CEP112: variants seen among roughly 807,000 people sequenced by gnomAD.
The protein encoded by CEP112 is centrosomal protein 112, also known as centrosomal protein of 112 kDa.
A neutral mutation model predicts 153.0 loss-of-function variants in CEP112; 127 were observed. The observed-to-expected ratio is 0.83, with a 90% CI of 0.72 to 0.96. The LOEUF is 0.96. Among genes scored for constraint, CEP112 ranks in the 40% least tolerant of loss-of-function variants. The pLI is 0.00. For synonymous variants in CEP112, 358 were observed against 374.4 expected (o/e 0.96, Z 0.51); for missense variants, 1,089 against 1,101.2 (o/e 0.99, Z 0.16).
At chr17:65,836,924 T>A (rs1451209353) in intron 21 of CEP112, among the ~76,000 whole-genome samples, 1 of 147,734 alleles carries the variant, frequency 6.8e-6, no homozygotes, top group Non-Finnish European at 1.5e-5. Flanking sequence ...TGCCTCAGCC[T>A]GCCCAGTGCC....
rs1568549326 is a variant in CEP112 at position 66,149,883 on chromosome 17, TGTTTG to T, written c.471-17125_471-17121del. The stretch of plus-strand genomic sequence containing the variant: ...TAAATTTAGGGTTTTTTTTTTTGTT[TGTTTG>T]TTTTTTTTTTTTTTTTTTTTTGAGA... On this transcript the variant is annotated intron_variant, in intron 4 of 26. Coordinates refer to ENST00000535342, the MANE Select transcript of CEP112 (RefSeq NM_001199165.4). Among the ~76,000 whole-genome samples the T allele has an allele frequency of 5.0e-3, 294 of 58,290 alleles. 10 individuals are homozygous for T. Among genetic ancestry groups the T allele is most frequent in the Non-Finnish European group, 7.0e-3 (212 of 30,390 alleles). The allele number at this position is 58,290 out of a possible 152,430, so 38.2% of individuals were successfully genotyped here.
At chr17:65,956,364 G>T (rs1041571401) in intron 18 of CEP112, among the ~76,000 whole-genome samples, 3 of 151,070 alleles carry the variant, frequency 2.0e-5, no homozygotes, top group African/African-American at 7.3e-5. Context: ...ATGCCCGTAA[G>T]TCAACGAGTG....
intron 17 of CEP112, among the ~76,000 whole-genome samples, chr17:65,983,315 A>G (rs2063294249): frequency 6.6e-6 from 1 of 152,366 alleles, no homozygotes; most frequent in Admixed American, 6.5e-5. Context: ...AACAAAAATG[A>G]GGACAGTGAA....
intron 17 of CEP112, among the ~76,000 whole-genome samples, chr17:65,971,524 T>A (rs1029252978): frequency 6.7e-6 from 1 of 149,846 alleles, no homozygotes; most frequent in Non-Finnish European, 1.5e-5. Context: ...ATTACATGTG[T>A]ATCACCTAAA....
intron 4 of CEP112, among the ~76,000 whole-genome samples, chr17:66,150,594 T>A (rs1056077453): frequency 6.6e-6 from 1 of 152,184 alleles, no homozygotes. Flanking sequence ...GTCCTCTGTT[T>A]AGTAACCTTC....
At chr17:65,643,937 C>A (rs2045291460) in intron 24 of CEP112, among the ~76,000 whole-genome samples, 2 of 152,210 alleles carry the variant, frequency 1.3e-5, no homozygotes, top group South Asian at 4.1e-4. Context: ...GCACTGCCTA[C>A]AGAAATTCCT....
Position 65,795,727 on chromosome 17 carries a change from G to A in CEP112, c.2395-45003C>T, listed in dbSNP as rs186739624. Among the ~76,000 whole-genome samples, 225 of 152,154 alleles carry A rather than the reference G, an allele frequency of 1.5e-3. 2 individuals are homozygous for A. The highest frequency in any genetic ancestry group is 2.9e-3 in the Admixed American group (45 of 15,280). ...CTCAGGAGGCTGAGGCATAAGAATC[G>A]CTTGAACCCAGGAGGCAGAGGTTGC... On this transcript the variant is annotated intron_variant, in intron 21 of 26. Coordinates refer to ENST00000535342, the MANE Select transcript of CEP112 (RefSeq NM_001199165.4).
At chr17:66,002,903 G>C (rs1368867801) in intron 17 of CEP112, among the ~76,000 whole-genome samples, 1 of 152,080 alleles carries the variant, frequency 6.6e-6, no homozygotes, top group Admixed American at 6.5e-5. Context: ...AAAAAATTTT[G>C]TTAATAGTCA....
chr17:66,119,755 T>C (rs1051826692), intron 6 of CEP112, among the ~76,000 whole-genome samples: 2 of 152,236 alleles, frequency 1.3e-5, no homozygotes, highest in African/African-American at 4.8e-5. Context: ...CTTGAGTAAA[T>C]ACTTAGGAGT....
intron 24 of CEP112, chr17:65,655,182 G>T: frequency 1.3e-6 from 1 of 762,918 alleles, no homozygotes; most frequent in South Asian, 1.3e-5. Flanking sequence ...ATCTAATATT[G>T]ACAAGTGGCT....
At chr17:66,037,389 T>C (rs548745356) in intron 12 of CEP112, among the ~76,000 whole-genome samples, 1 of 152,246 alleles carries the variant, frequency 6.6e-6, no homozygotes, top group Admixed American at 6.5e-5. Context: ...CCCTGTTCTC[T>C]CCTCTCTCCT....
At chr17:66,109,039 C>T (rs758417965) in intron 6 of CEP112, among the ~76,000 whole-genome samples, 5 of 151,934 alleles carry the variant, frequency 3.3e-5, no homozygotes, top group Admixed American at 1.3e-4. Flanking sequence ...GACATGTTCT[C>T]AATTATTTGT....
intron 20 of CEP112, among the ~76,000 whole-genome samples, chr17:65,876,530 G>T (rs2058831828): frequency 6.6e-6 from 1 of 152,108 alleles, no homozygotes; most frequent in African/African-American, 2.4e-5. Context: ...ATGTAGCAAT[G>T]ATATGTGGAG....
intron 12 of CEP112, among the ~76,000 whole-genome samples, chr17:66,031,370 C>G (rs924633113): frequency 6.6e-6 from 1 of 151,736 alleles, no homozygotes; most frequent in African/African-American, 2.4e-5. Flanking sequence ...AAATTCCATA[C>G]TAATAAACCC....
intron 6 of CEP112, among the ~76,000 whole-genome samples, chr17:66,097,325 C>T (rs1049959035): frequency 3.8e-4 from 58 of 152,126 alleles, no homozygotes; most frequent in African/African-American, 1.3e-3. Flanking sequence ...ATCATCTCCC[C>T]CAGGAAACCT....
intron 23 of CEP112, among the ~76,000 whole-genome samples, chr17:65,712,170 GT>G (rs2144726230): frequency 6.6e-6 from 1 of 152,192 alleles, no homozygotes; most frequent in South Asian, 2.1e-4. Context: ...ACCACCCTCT[GT>G]TCATTTAATG....
chr17:65,898,856 A>C (rs1454803348), intron 20 of CEP112, among the ~76,000 whole-genome samples: 1 of 152,140 alleles, frequency 6.6e-6, no homozygotes, highest in Non-Finnish European at 1.5e-5. Flanking sequence ...CAAAGGTTCT[A>C]TGCAACAATC....
chr17:66,146,539 CTT>C (rs779454757), intron 4 of CEP112, among the ~76,000 whole-genome samples: 31 of 152,100 alleles, frequency 2.0e-4, no homozygotes, highest in African/African-American at 9.6e-5. Flanking sequence ...AATTTACAGT[CTT>C]AATCATTTTT....
intron 17 of CEP112, among the ~76,000 whole-genome samples, chr17:65,971,383 G>A (rs973742693): frequency 2.5e-5 from 2 of 80,992 alleles, no homozygotes; most frequent in Non-Finnish European, 5.2e-5. Context: ...TATGTACATT[G>A]CATGTATATA....
Sources: gnomAD v4.1 joint callset for allele counts (sites outside exome capture counted in the v4.1 genomes callset) on GRCh38, gnomAD v4.1.1 for gene constraint, MANE v1.5 for transcripts, NCBI Gene and HGNC (gene_info 2026-07-23, HGNC 2026-07-21) for gene names.